Variants in MTRF1 observed in about 807,000 individuals in gnomAD.
MTRF1 encodes the protein peptide chain release factor 1, mitochondrial.
In MTRF1, 51 loss-of-function variants were observed where a neutral mutation model predicts 62.9. The observed-to-expected ratio is 0.81, with a 90% confidence interval of 0.65 to 1.02. The LOEUF (loss-of-function observed/expected upper bound fraction) is 1.02. Among genes scored for constraint, MTRF1 ranks in the 50% least tolerant of loss-of-function variants. The pLI is 0.00. For missense variants in MTRF1, 446 were observed against 530.0 expected (o/e 0.84, Z 1.56); for synonymous variants, 158 against 181.9 (o/e 0.87, Z 1.06).
At chr13:41,250,825 A>G (rs1382867892) in intron 5 of MTRF1, among the ~76,000 whole-genome samples, 1 of 152,132 alleles carries the variant, frequency 6.6e-6, no homozygotes, top group African/African-American at 2.4e-5. Context: ...TGATTCAAAA[A>G]CCATTCATCA....
chr13:41,217,288 G>GTGTTTATTTAT (rs1284445870), intron 9 of MTRF1, 60 bp from the exon 10 acceptor site: 12 of 958,394 alleles, frequency 1.3e-5, no homozygotes, highest in Non-Finnish European at 1.8e-5. Context: ...AAAGACTTTA[G>GTGTTTATTTAT]TGTTTATTTA....
At chr13:41,288,297 C>T in the MTRF1 span, 1 of 298,208 alleles carries the variant, frequency 3.4e-6, no homozygotes, top group Non-Finnish European at 6.6e-6. Context: ...CATCTCCAAC[C>T]ACCACACACT....
At chr13:41,226,911 C>T (rs1446117919) in intron 7 of MTRF1, among the ~76,000 whole-genome samples, 2 of 152,174 alleles carry the variant, frequency 1.3e-5, no homozygotes, top group Non-Finnish European at 1.5e-5. Context: ...CCCTATACTG[C>T]GCTGCTCCAT....
the MTRF1 span, among the ~76,000 whole-genome samples, chr13:41,305,232 A>AT: frequency 2.0e-5 from 3 of 152,102 alleles, no homozygotes; most frequent in African/African-American, 7.2e-5. Flanking sequence ...AATTTTTAAA[A>AT]TTTTTTGTAG....
the MTRF1 span, among the ~76,000 whole-genome samples, chr13:41,284,475 A>C: frequency 3.1e-5 from 4 of 129,870 alleles, no homozygotes; most frequent in South Asian, 4.5e-4. Context: ...ACTCTGTCTC[A>C]AAAAAAAAAA....
Position 41,225,363 on chromosome 13 carries a change from G to A in MTRF1, c.1125+1069C>T, listed in dbSNP as rs141267093. Among the ~76,000 whole-genome samples, 828 of 152,192 alleles carry A rather than the reference G, an allele frequency of 5.4e-3. 10 individuals carry two copies. Among genetic ancestry groups the A allele is most frequent in the African/African-American group, 0.019 (769 of 41,516 alleles). On this transcript the variant is annotated intron_variant, in intron 8 of 9. Transcript: ENST00000379480. ...CAAGAAGTGATGGTGTGTACCCAGGGTATATTGTTTGCTTGTTAAAAGCAA... is the reference window on the plus strand; with the variant it reads ...CAAGAAGTGATGGTGTGTACCCAGGATATATTGTTTGCTTGTTAAAAGCAA...
chr13:41,299,318 T>C, the MTRF1 span, among the ~76,000 whole-genome samples: 1 of 152,196 alleles, frequency 6.6e-6, no homozygotes, highest in Non-Finnish European at 1.5e-5. Context: ...GAATTGGCTT[T>C]ATCACAACCT....
the MTRF1 span, among the ~76,000 whole-genome samples, chr13:41,281,635 G>A: frequency 6.6e-6 from 1 of 152,148 alleles, no homozygotes; most frequent in Non-Finnish European, 1.5e-5. Context: ...GAAAAAGAAC[G>A]TGTTTAGATT....
chr13:41,252,019 A>T (rs1242671543), intron 5 of MTRF1, among the ~76,000 whole-genome samples: 1 of 152,050 alleles, frequency 6.6e-6, no homozygotes, highest in African/African-American at 2.4e-5. Flanking sequence ...ATTTGGGACT[A>T]CAGGCACGTG....
the MTRF1 span, among the ~76,000 whole-genome samples, chr13:41,297,577 CT>C: frequency 1.8e-3 from 257 of 143,410 alleles, no homozygotes; most frequent in Middle Eastern, 3.6e-3. Flanking sequence ...CTTTTAATTG[CT>C]TTTTTTTTTT....
chr13:41,275,205 C>CTTT, the MTRF1 span, among the ~76,000 whole-genome samples: 1 of 145,808 alleles, frequency 6.9e-6, no homozygotes, highest in Admixed American at 6.9e-5. Context: ...ACTCCAATAA[C>CTTT]TTTTTTTTTT....
the MTRF1 span, among the ~76,000 whole-genome samples, chr13:41,282,953 C>G: frequency 6.6e-6 from 1 of 152,204 alleles, no homozygotes; most frequent in Non-Finnish European, 1.5e-5. Flanking sequence ...GACTTTTTTA[C>G]CACTGTTCAA....
intron 2 of MTRF1, 126 bp downstream of exon 2, chr13:41,260,356 GGGAAAAAAAAA>G: frequency 1.1e-6 from 1 of 898,882 alleles, no homozygotes; most frequent in South Asian, 1.8e-5. Flanking sequence ...CTGCTTCTGT[GGGAAAAAAAAA>G]ACAAAGACTA....
the MTRF1 span, among the ~76,000 whole-genome samples, chr13:41,300,358 G>A: frequency 4.6e-5 from 7 of 152,070 alleles, no homozygotes; most frequent in East Asian, 1.9e-4. Context: ...AGGCCGAGGC[G>A]GGCGGATCAC....
At chr13:41,282,689 G>A in the MTRF1 span, among the ~76,000 whole-genome samples, 2 of 152,286 alleles carry the variant, frequency 1.3e-5, no homozygotes, top group East Asian at 3.9e-4. Context: ...GCAATGAGTG[G>A]CTGGACCTGA....
chr13:41,238,299 G>C (rs1056989064), intron 6 of MTRF1, among the ~76,000 whole-genome samples: 3 of 152,106 alleles, frequency 2.0e-5, no homozygotes, highest in African/African-American at 7.2e-5. Flanking sequence ...AAGGACAAAA[G>C]AGGTACCCTA....
the MTRF1 span, among the ~76,000 whole-genome samples, chr13:41,269,249 G>C: frequency 7.3e-6 from 1 of 137,094 alleles, no homozygotes; most frequent in Non-Finnish European, 1.5e-5. Flanking sequence ...ACCTAGACTG[G>C]AGTGCAATGG....
chr13:41,237,122 G>A (rs1213950692), intron 6 of MTRF1, among the ~76,000 whole-genome samples: 1 of 150,882 alleles, frequency 6.6e-6, no homozygotes, highest in Non-Finnish European at 1.5e-5. Context: ...AAAAGGTTGA[G>A]GTGGGAGAAT....
At chr13:41,235,571 TAACA>T (rs1301535903) in intron 6 of MTRF1, 1 of 152,188 alleles carries the variant, frequency 6.6e-6, no homozygotes, top group Non-Finnish European at 1.5e-5. Flanking sequence ...AGTGTCCTTA[TAACA>T]AACAACTAAA....
Sources: gnomAD v4.1 joint callset for allele counts (sites outside exome capture counted in the v4.1 genomes callset) on GRCh38, gnomAD v4.1.1 for gene constraint, MANE v1.5 for transcripts, NCBI Gene and HGNC (gene_info 2026-07-23, HGNC 2026-07-21) for gene names.